The following SYNE1 variants were observed in gnomAD, a reference collection of about 807,000 sequenced individuals.
SYNE1 encodes the protein spectrin repeat containing nuclear envelope protein 1.
A neutral mutation model predicts 1,111.0 loss-of-function variants in SYNE1; 616 were observed. That is an observed-to-expected ratio of 0.55 (90% CI 0.52 to 0.59). The LOEUF (loss-of-function observed/expected upper bound fraction) is 0.59. Ranked by LOEUF, SYNE1 falls within the 20% of genes least tolerant of loss-of-function variation. The pLI is 0.00. For synonymous variants in SYNE1, 3,855 were observed against 3,825.8 expected, an observed-to-expected ratio of 1.01 and a Z score of -0.28; for missense variants, 10,006 against 10,417.0, an observed-to-expected ratio of 0.96 and a Z score of 1.72.
In SYNE1 at chr6:152,302,479, C is replaced by CA. The variant is rs568962026; in HGVS notation, c.17347-417dup. 1.7e-3 allele frequency among the ~76,000 whole-genome samples: 262 copies of CA among 151,784 alleles called. 2 individuals are homozygous for CA. Among genetic ancestry groups the CA allele is most frequent in the African/African-American group, 6.0e-3 (248 of 41,412 alleles). Reference sequence around the variant, plus strand: ...GGTCATGTGATGGCTAAAACCACACCAAAAAAAATGCAAGGCTCAGCTCTT... The same window carrying CA: ...GGTCATGTGATGGCTAAAACCACACCAAAAAAAAATGCAAGGCTCAGCTCTT... On this transcript the variant is annotated intron_variant, in intron 91 of 145. Coordinates refer to ENST00000367255, the MANE Select transcript of SYNE1 (RefSeq NM_182961.4).
intron 93 of SYNE1, 77 bp downstream of exon 93, chr6:152,300,564 C>T (rs550505079): frequency 2.9e-5 from 46 of 1,599,522 alleles, no homozygotes; most frequent in African/African-American, 5.4e-5. Flanking sequence ...TTCATACCCA[C>T]GATCTAATGG....
rs1442781858 is a variant in SYNE1, at chr6:152,180,559, A to G, written c.23302-265T>C. On this transcript the variant is annotated intron_variant, in intron 128 of 145. Coordinates refer to ENST00000367255, the MANE Select transcript of SYNE1 (RefSeq NM_182961.4). ...ACAATTGGTTCAGGATAGATAGGAT[A>G]CATGACCAGTGAATGTAAAAAAGAA... Among the ~76,000 whole-genome samples, 4 of 152,266 alleles carry G rather than the reference A, an allele frequency of 2.6e-5. No homozygotes were observed. In the East Asian group the frequency reaches 7.7e-4, roughly 29 times the overall value.
chr6:152,584,910 T>C (rs1439185785), intron 3 of SYNE1, among the ~76,000 whole-genome samples: 1 of 152,232 alleles, frequency 6.6e-6, no homozygotes, highest in Non-Finnish European at 1.5e-5. Flanking sequence ...TTTCTATTCA[T>C]AAAGAGTTCC....
chr6:152,556,936 A>C (rs899223102), intron 3 of SYNE1, among the ~76,000 whole-genome samples: 2 of 152,182 alleles, frequency 1.3e-5, no homozygotes, highest in Admixed American at 1.3e-4. Flanking sequence ...GGGGCAAGTA[A>C]AATACTAGTA....
At chr6:152,380,918 G>C in intron 56 of SYNE1, 88 bp downstream of exon 56, 2 of 1,341,350 alleles carry the variant, frequency 1.5e-6, no homozygotes, top group African/African-American at 1.4e-5. Context: ...CGTGTTTTTA[G>C]TTAGCAAGAT....
At chr6:152,493,901 C>T (rs562835073) in intron 11 of SYNE1, among the ~76,000 whole-genome samples, 143 of 152,256 alleles carry the variant, frequency 9.4e-4, no homozygotes, top group African/African-American at 3.3e-3. Flanking sequence ...CCCATAGATC[C>T]TAAATCCTTT....
chr6:152,200,488 C>CA (rs201047741), intron 127 of SYNE1, among the ~76,000 whole-genome samples: 2,422 of 152,250 alleles, frequency 0.016, 60 homozygotes, highest in South Asian at 0.086. Flanking sequence ...ACTGCAGCCT[C>CA]AGATTCCTAA....
rs546200209 is a variant in SYNE1 at position 152,339,928 on chromosome 6, C to G, written c.12226-562G>C. On this transcript the variant is annotated intron_variant, in intron 74 of 145. Transcript: ENST00000367255. ...AAAGAAATGTGTTTCTTTGCAGATGCGCAGATTCTACTCAGGCTCCATTTT... is the reference window on the plus strand; with the variant it reads ...AAAGAAATGTGTTTCTTTGCAGATGGGCAGATTCTACTCAGGCTCCATTTT... 2.0e-5 allele frequency among the ~76,000 whole-genome samples: 3 copies of G among 152,288 alleles called. No homozygotes were observed. The South Asian group carries it at 6.2e-4, about 32-fold the overall frequency.
chr6:152,413,099 C>A (rs2098093426), intron 42 of SYNE1, among the ~76,000 whole-genome samples: 2 of 152,318 alleles, frequency 1.3e-5, no homozygotes, highest in Admixed American at 1.3e-4. Flanking sequence ...GATTCGCCTG[C>A]CTTGGCCTCC....
intron 63 of SYNE1, 133 bp downstream of exon 63, chr6:152,364,714 A>AAGGAAGGAAGGAAGGG: frequency 1.0e-6 from 1 of 978,304 alleles, no homozygotes; most frequent in South Asian, 1.4e-5. Context: ...GGAAGGAAGG[A>AAGGAAGGAAGGAAGGG]AGGAAGGAAG....
In SYNE1 at chr6:152,284,108, T is replaced by C. The variant is rs780066849; in HGVS notation, c.18077A>G (p.Glu6026Gly). 1.9e-6 allele frequency: 3 copies of C among 1,614,066 alleles called. No individual in the cohort carries two copies. Among genetic ancestry groups the C allele is most frequent in the Non-Finnish European group, 2.5e-6 (3 of 1,180,046 alleles). Residue 6026 changes from glutamate (E) to glycine (G), a missense_variant, in exon 96 of 146, where the codon GAG becomes GGG. Physicochemically the swap from Glu to Gly is moderately conservative, Grantham distance 98. This residue lies in a region of SYNE1 where 4,955 missense variants were observed against 5,017.2 expected (regional missense o/e 0.99). Transcript: ENST00000367255. The part of the protein sequence containing the change: ...EINELQSSLA[E>G]ELVSESCEAD... ...CTCACAAGACTCGGATACCAGCTCCTCTGCGAGAGAGGACTGGAGCTCATT... is the reference window on the plus strand; with the variant it reads ...CTCACAAGACTCGGATACCAGCTCCCCTGCGAGAGAGGACTGGAGCTCATT...
intron 144 of SYNE1, among the ~76,000 whole-genome samples, chr6:152,131,467 CAA>C (rs1169400007): frequency 2.0e-5 from 3 of 151,784 alleles, no homozygotes; most frequent in Non-Finnish European, 4.4e-5. Flanking sequence ...TAAAGCTGGA[CAA>C]AAAATATATA....
intron 59 of SYNE1, 64 bp from the exon 60 acceptor site, chr6:152,369,678 A>G (rs1446541997): frequency 1.3e-6 from 2 of 1,588,262 alleles, no homozygotes; most frequent in Non-Finnish European, 1.7e-6. Flanking sequence ...AAGGTCCTTC[A>G]CTTGGCATTC....
intron 130 of SYNE1, among the ~76,000 whole-genome samples, chr6:152,168,564 T>G (rs2064263508): frequency 6.6e-6 from 1 of 152,212 alleles, no homozygotes; most frequent in South Asian, 2.1e-4. Flanking sequence ...TCAACTTTTC[T>G]TGCGGGCAGT....
intron 52 of SYNE1, 82 bp from the exon 53 acceptor site, chr6:152,390,534 A>G: frequency 7.1e-7 from 1 of 1,406,130 alleles, no homozygotes; most frequent in Non-Finnish European, 9.9e-7. Context: ...TTCCATAAGA[A>G]TTGAAGTAGG....
At chr6:152,629,070 G>A (rs947914498) in intron 2 of SYNE1, among the ~76,000 whole-genome samples, 28 of 152,112 alleles carry the variant, frequency 1.8e-4, no homozygotes, top group Non-Finnish European at 8.8e-5. Context: ...TGAGTTTCAA[G>A]TACTCCAATT....
At chr6:152,247,855 A>AACACACACACACACACAC (rs10592346) in intron 105 of SYNE1, among the ~76,000 whole-genome samples, 5 of 89,898 alleles carry the variant, frequency 5.6e-5, no homozygotes, top group African/African-American at 2.2e-4. Flanking sequence ...GGTGTTCTTT[A>AACACACACACACACACAC]ACACACACAC....
At chr6:152,206,561 A>G (rs139677397) in intron 125 of SYNE1, among the ~76,000 whole-genome samples, 199 bp from the exon 126 acceptor site, 98 of 152,352 alleles carry the variant, frequency 6.4e-4, no homozygotes, top group Middle Eastern at 6.8e-3. Flanking sequence ...CTCCAAGGTA[A>G]GTACGATTGA....
Position 152,185,159 on chromosome 6 carries a change from C to T in SYNE1, c.23301+4093G>A, listed in dbSNP as rs1362214402. On this transcript the variant is annotated intron_variant, in intron 128 of 145. Coordinates refer to ENST00000367255, the MANE Select transcript of SYNE1 (RefSeq NM_182961.4). ...TTACACACAAATCTACAAACCAAAA[C>T]AGAATAAAAACAAGTATAAGCTCTG... The T allele has an allele frequency of 7.2e-5, 11 of 152,230 alleles. No individual in the cohort carries two copies. In the East Asian group the frequency reaches 1.9e-3, roughly 27 times the overall value. The allele number at this position is 152,230 out of a possible 1,614,324, so 9.4% of individuals were successfully genotyped here.
Sources: allele counts gnomAD v4.1 joint callset (sites outside exome capture counted in the v4.1 genomes callset), GRCh38; gene constraint gnomAD v4.1.1; regional missense constraint gnomAD v4.1.1; transcripts MANE v1.5; gene names NCBI Gene and HGNC (gene_info 2026-07-23, HGNC 2026-07-21).